SEM1: variants seen among roughly 807,000 people sequenced by gnomAD.
SEM1 encodes the protein 26S proteasome complex subunit SEM1.
A neutral mutation model predicts 12.7 loss-of-function variants in SEM1; 3 were observed. The ratio of observed to expected loss-of-function variants is 0.24; its 90% CI spans 0.11 to 0.61. SEM1 has a LOEUF of 0.61. SEM1 is among the 20% of genes least tolerant of loss of function. The pLI, the probability that SEM1 is intolerant of heterozygous loss-of-function variation, is 0.88. For synonymous variants in SEM1, 30 were observed against 27.8 expected, an observed-to-expected ratio of 1.08 and a Z score of -0.25; for missense variants, 59 against 81.3, an observed-to-expected ratio of 0.73 and a Z score of 1.06.
At chr7:96,524,672 TTA>T (rs1804394333) in intron 2 of SEM1, among the ~76,000 whole-genome samples, 1 of 152,020 alleles carries the variant, frequency 6.6e-6, no homozygotes, top group African/African-American at 2.4e-5. Flanking sequence ...TAAAAAATTA[TTA>T]TTTCATTATG....
chr7:96,502,338 T>C (rs998618858), intron 3 of SEM1, among the ~76,000 whole-genome samples: 4 of 152,146 alleles, frequency 2.6e-5, no homozygotes, highest in African/African-American at 7.2e-5. Flanking sequence ...CTCAAAGTAA[T>C]GTAGATCTTT....
chr7:96,644,179 A>G (rs1808712160), intron 2 of SEM1, among the ~76,000 whole-genome samples: 1 of 152,148 alleles, frequency 6.6e-6, no homozygotes, highest in Non-Finnish European at 1.5e-5. Context: ...AGACATGCTC[A>G]GAAAGCCTCC....
intron 2 of SEM1, among the ~76,000 whole-genome samples, chr7:96,587,467 T>C (rs1806677568): frequency 6.6e-6 from 1 of 152,198 alleles, no homozygotes; most frequent in African/African-American, 2.4e-5. Flanking sequence ...TCTTTTCATT[T>C]CTTGCTCTCT....
intron 2 of SEM1, among the ~76,000 whole-genome samples, chr7:96,514,434 A>C (rs1400455426): frequency 6.6e-6 from 1 of 152,104 alleles, no homozygotes; most frequent in East Asian, 1.9e-4. Context: ...AAGACAAGAA[A>C]AGGAAATAAA....
intron 1 of SEM1, among the ~76,000 whole-genome samples, chr7:96,705,324 A>G (rs893598292): frequency 1.9e-4 from 29 of 148,924 alleles, no homozygotes; most frequent in African/African-American, 7.2e-4. Context: ...GGCAAACTCA[A>G]TTTCATTCTA....
At chr7:96,644,805 G>A (rs1341514177) in intron 2 of SEM1, among the ~76,000 whole-genome samples, 1 of 152,106 alleles carries the variant, frequency 6.6e-6, no homozygotes, top group Non-Finnish European at 1.5e-5. Context: ...CTTCTCCTCT[G>A]TGTGTAATAG....
Position 96,624,857 on chromosome 7 carries a change from G to T in SEM1, c.171-2214C>A, listed in dbSNP as rs184514617. Among the ~76,000 whole-genome samples, 356 of 152,288 alleles carry T rather than the reference G, an allele frequency of 2.3e-3. 1 individual carries two copies. Among genetic ancestry groups the T allele is most frequent in the African/African-American group, 8.3e-3 (344 of 41,574 alleles). On this transcript the variant is annotated intron_variant, in intron 2 of 2. Transcript: ENST00000417009. ...ATGGGGTGATAGGGAGATTCTAAAA[G>T]CAAGGGGAAATCCTTGTAGACTTTT...
chr7:96,538,714 G>A (rs1236044449), intron 2 of SEM1, among the ~76,000 whole-genome samples: 3 of 151,762 alleles, frequency 2.0e-5, no homozygotes, highest in African/African-American at 7.3e-5. Flanking sequence ...TCTGAGTTGT[G>A]AACTTCAGAA....
chr7:96,645,515 AG>A, intron 2 of SEM1: 1 of 355,496 alleles, frequency 2.8e-6, no homozygotes. Context: ...CAGGATGGGA[AG>A]GAAGTATGTT....
chr7:96,504,745 G>A (rs1416162990), intron 3 of SEM1, among the ~76,000 whole-genome samples: 1 of 151,930 alleles, frequency 6.6e-6, no homozygotes, highest in South Asian at 2.1e-4. Flanking sequence ...TTATTAAAGT[G>A]TTTTAATGGT....
At chr7:96,584,479 G>A (rs1806538392) in intron 2 of SEM1, among the ~76,000 whole-genome samples, 1 of 151,950 alleles carries the variant, frequency 6.6e-6, no homozygotes, top group African/African-American at 2.4e-5. Context: ...TATCTTTGTG[G>A]CATTCTCTCT....
At chr7:96,599,969 T>C (rs564815143) in intron 2 of SEM1, among the ~76,000 whole-genome samples, 46 of 152,296 alleles carry the variant, frequency 3.0e-4, no homozygotes, top group South Asian at 8.3e-4. Context: ...CTTGGGAATT[T>C]CCAGGTCACA....
intron 2 of SEM1, among the ~76,000 whole-genome samples, chr7:96,544,772 C>A (rs1805057308): frequency 6.6e-6 from 1 of 151,798 alleles, no homozygotes; most frequent in Non-Finnish European, 1.5e-5. Context: ...AGCTAGAGAA[C>A]AAATGATATT....
chr7:96,601,556 G>A (rs866660258), intron 2 of SEM1, among the ~76,000 whole-genome samples: 9 of 152,066 alleles, frequency 5.9e-5, no homozygotes, highest in Admixed American at 1.3e-4. Context: ...AGGAGACCCT[G>A]GGGCTGGAGT....
intron 2 of SEM1, among the ~76,000 whole-genome samples, chr7:96,563,216 C>G (rs952043560): frequency 1.3e-5 from 2 of 151,854 alleles, no homozygotes; most frequent in African/African-American, 4.8e-5. Context: ...ACAGGTTAAT[C>G]TAGATACAAG....
chr7:96,602,650 T>C (rs1252147430), intron 2 of SEM1, among the ~76,000 whole-genome samples: 2 of 152,210 alleles, frequency 1.3e-5, no homozygotes, highest in African/African-American at 4.8e-5. Flanking sequence ...TAATTGTATT[T>C]GGGAAATTCA....
chr7:96,706,915 T>C (rs1790485058), intron 1 of SEM1, among the ~76,000 whole-genome samples: 1 of 152,330 alleles, frequency 6.6e-6, no homozygotes, highest in Non-Finnish European at 1.5e-5. Context: ...TTGTATCTGT[T>C]AGTGAATTTG....
intron 2 of SEM1, among the ~76,000 whole-genome samples, chr7:96,566,957 T>C (rs1563063615): frequency 1.3e-5 from 2 of 151,678 alleles, no homozygotes; most frequent in Non-Finnish European, 3.0e-5. Context: ...AGGATTTTGG[T>C]ATACATCTCA....
chr7:96,674,923 C>T (rs1203230559), intron 2 of SEM1, among the ~76,000 whole-genome samples: 1 of 152,064 alleles, frequency 6.6e-6, no homozygotes, highest in African/African-American at 2.4e-5. Flanking sequence ...TGCACAAGCA[C>T]GAGGGTCCTC....
Sources: gnomAD v4.1 joint callset for allele counts (sites outside exome capture counted in the v4.1 genomes callset) on GRCh38, gnomAD v4.1.1 for gene constraint, MANE v1.5 for transcripts, NCBI Gene and HGNC (gene_info 2026-07-23, HGNC 2026-07-21) for gene names.